ARID4B: variants seen among roughly 807,000 people sequenced by gnomAD.
ARID4B encodes AT-rich interactive domain-containing protein 4B.
ARID4B carries 26 observed loss-of-function variants against 147.5 expected under a neutral mutation model. That is an observed-to-expected ratio of 0.18 (90% confidence interval 0.13 to 0.24). The LOEUF (loss-of-function observed/expected upper bound fraction) is 0.24, where lower values mean the gene tolerates loss of function less well. ARID4B is among the 10% of genes least tolerant of loss of function. ARID4B has a pLI of 1.00. For missense variants in ARID4B, 1,179 were observed against 1,511.5 expected, an observed-to-expected ratio of 0.78 and a Z score of 3.65; for synonymous variants, 512 against 507.9, an observed-to-expected ratio of 1.01 and a Z score of -0.11.
intron 14 of ARID4B, among the ~76,000 whole-genome samples, chr1:235,220,891 T>TA (rs1667423970): frequency 2.4e-5 from 1 of 42,360 alleles, no homozygotes; most frequent in Non-Finnish European, 5.2e-5. Context: ...CCTTTTTTTG[T>TA]TTTTTTTTGT....
chr1:235,183,759 CTTCCTTTCTCT>C (rs911856004), intron 19 of ARID4B, among the ~76,000 whole-genome samples: 2 of 118,252 alleles, frequency 1.7e-5, no homozygotes, highest in South Asian at 3.3e-4. Context: ...CCCTGCCTCC[CTTCCTTTCTCT>C]TTCCTTTCTC....
intron 7 of ARID4B, among the ~76,000 whole-genome samples, chr1:235,244,863 C>T (rs1669204205): frequency 6.6e-6 from 1 of 152,118 alleles, no homozygotes; most frequent in South Asian, 2.1e-4. Context: ...CAGAAAATCA[C>T]TTTGAAGAAA....
intron 2 of ARID4B, among the ~76,000 whole-genome samples, chr1:235,265,195 T>C (rs1414871807): frequency 6.9e-6 from 1 of 145,078 alleles, no homozygotes; most frequent in Non-Finnish European, 1.5e-5. Context: ...GAAAACCCCC[T>C]CTCTACTAAA....
chr1:235,317,420 A>G (rs1361528968), intron 2 of ARID4B, among the ~76,000 whole-genome samples: 1 of 152,226 alleles, frequency 6.6e-6, no homozygotes, highest in Non-Finnish European at 1.5e-5. Context: ...GGAAAGGGGA[A>G]ACTATGCTCA....
At chr1:235,232,824 C>T (rs889590103) in intron 9 of ARID4B, among the ~76,000 whole-genome samples, 21 of 151,718 alleles carry the variant, frequency 1.4e-4, no homozygotes, top group Admixed American at 1.3e-4. Context: ...GTTGGTTCTA[C>T]ATTTTTTTTT....
intron 19 of ARID4B, among the ~76,000 whole-genome samples, chr1:235,186,145 C>G (rs995169781): frequency 1.3e-5 from 2 of 151,732 alleles, no homozygotes; most frequent in Non-Finnish European, 2.9e-5. Flanking sequence ...AATTTTTGTA[C>G]TTTAGTAGAG....
intron 2 of ARID4B, among the ~76,000 whole-genome samples, chr1:235,287,888 A>G (rs762057453): frequency 1.3e-5 from 2 of 152,186 alleles, no homozygotes; most frequent in Non-Finnish European, 2.9e-5. Flanking sequence ...TATTTAGGGT[A>G]TTTTTCCAGT....
chr1:235,291,162 G>A (rs900789548), intron 2 of ARID4B, among the ~76,000 whole-genome samples: 2 of 151,868 alleles, frequency 1.3e-5, no homozygotes, highest in East Asian at 1.9e-4. Flanking sequence ...TTTGGGATGC[G>A]GAGGTGGGCA....
intron 16 of ARID4B, among the ~76,000 whole-genome samples, chr1:235,215,664 TCTTGA>T (rs1667025799): frequency 6.6e-6 from 1 of 151,262 alleles, no homozygotes. Context: ...CTCACTGTGG[TCTTGA>T]CTTCCTGTGC....
At chr1:235,225,795 G>A (rs936807817) in intron 11 of ARID4B, among the ~76,000 whole-genome samples, 1 of 152,152 alleles carries the variant, frequency 6.6e-6, no homozygotes, top group Non-Finnish European at 1.5e-5. Context: ...CTGCTTTAGC[G>A]AGATTGTCTT....
At chr1:235,285,350 A>C (rs1671906041) in intron 2 of ARID4B, among the ~76,000 whole-genome samples, 1 of 152,236 alleles carries the variant, frequency 6.6e-6, no homozygotes, top group Non-Finnish European at 1.5e-5. Context: ...GTATCAACAA[A>C]CTTTAAAAAC....
chr1:235,218,855 C>T (rs1046830182), intron 16 of ARID4B, among the ~76,000 whole-genome samples: 7 of 149,902 alleles, frequency 4.7e-5, no homozygotes, highest in South Asian at 2.1e-4. Context: ...AATGTCAGTA[C>T]GCTAAATGAT....
intron 17 of ARID4B, among the ~76,000 whole-genome samples, chr1:235,212,049 T>C (rs1253607433): frequency 1.3e-5 from 2 of 150,520 alleles, no homozygotes; most frequent in Non-Finnish European, 3.0e-5. Context: ...AGGTCAGGAG[T>C]TCAAGACAAA....
At chr1:235,316,855 T>C (rs1440069096) in intron 2 of ARID4B, among the ~76,000 whole-genome samples, 1 of 149,376 alleles carries the variant, frequency 6.7e-6, no homozygotes, top group Admixed American at 6.6e-5. Context: ...CAGATATACA[T>C]ATACATACGT....
At chr1:235,279,077 C>A (rs1442961326) in intron 2 of ARID4B, among the ~76,000 whole-genome samples, 1 of 152,078 alleles carries the variant, frequency 6.6e-6, no homozygotes, top group East Asian at 1.9e-4. Context: ...AGCGCCAAGC[C>A]AACACCTGGA....
At chr1:235,272,503 TATA>T (rs1307736131) in intron 2 of ARID4B, among the ~76,000 whole-genome samples, 2 of 152,126 alleles carry the variant, frequency 1.3e-5, no homozygotes, top group African/African-American at 4.8e-5. Flanking sequence ...AAAAATACCT[TATA>T]ATCAGAAGCG....
chr1:235,200,521 T>C (rs1012118543), intron 17 of ARID4B, among the ~76,000 whole-genome samples: 1 of 152,090 alleles, frequency 6.6e-6, no homozygotes, highest in Admixed American at 6.6e-5. Context: ...CCTACAGACA[T>C]TAAAATTATA....
At chr1:235,278,712 A>G (rs1379598566) in intron 2 of ARID4B, among the ~76,000 whole-genome samples, 1 of 152,224 alleles carries the variant, frequency 6.6e-6, no homozygotes, top group Non-Finnish European at 1.5e-5. Context: ...ACACATTCTG[A>G]GGGAAAAGTG....
chr1:235,301,355 T>C (rs1238620434), intron 2 of ARID4B, among the ~76,000 whole-genome samples: 2 of 151,532 alleles, frequency 1.3e-5, no homozygotes, highest in Non-Finnish European at 2.9e-5. Flanking sequence ...CTGGGCAACA[T>C]GGTGAAACCT....
Sources: allele counts gnomAD v4.1 joint callset (sites outside exome capture counted in the v4.1 genomes callset), GRCh38; gene constraint gnomAD v4.1.1; transcripts MANE v1.5; gene names NCBI Gene and HGNC (gene_info 2026-07-23, HGNC 2026-07-21).